Variants in NEDD4 observed in about 807,000 individuals in gnomAD.
NEDD4 encodes the protein E3 ubiquitin-protein ligase NEDD4.
A neutral mutation model predicts 144.9 loss-of-function variants in NEDD4; 99 were observed. The observed-to-expected ratio is 0.68, with a 90% confidence interval of 0.58 to 0.81. The LOEUF (loss-of-function observed/expected upper bound fraction) is 0.81, where lower values mean the gene tolerates loss of function less well. Ranked by LOEUF, NEDD4 falls within the 30% of genes least tolerant of loss-of-function variation. The pLI is 0.00. For synonymous variants in NEDD4, 318 were observed against 350.6 expected (o/e 0.91, Z 1.04); for missense variants, 985 against 1,065.9 (o/e 0.92, Z 1.06).
At chr15:55,932,865 T>C in intron 4 of NEDD4, among the ~76,000 whole-genome samples, 1 of 152,084 alleles carries the variant, frequency 6.6e-6, no homozygotes, top group East Asian at 1.9e-4. Context: ...GGGCAAAGGA[T>C]ATGCACAGAC....
At chr15:55,926,026 CG>C (rs1595850644) in intron 4 of NEDD4, among the ~76,000 whole-genome samples, 3 of 151,406 alleles carry the variant, frequency 2.0e-5, no homozygotes, top group South Asian at 4.2e-4. Flanking sequence ...AATACATATA[CG>C]TATGTATCAT....
Position 55,850,661 on chromosome 15 carries a change from G to T in NEDD4, c.1228C>A (p.Gln410Lys). 6.2e-7 allele frequency: 1 copy of T among 1,614,086 alleles called. No homozygotes were observed. The highest frequency in any genetic ancestry group is 8.5e-7 in the Non-Finnish European group (1 of 1,180,034). ...ATTTCAGATGGCTGGGTCACCTGCT[G>T]GCCTGAATCACTGGTGGAGGCTTGT... ...QSQASTSDSG[Q>K]QVTQPSEIEQ... Residue 410 changes from glutamine (Q) to lysine (K), a missense_variant, in exon 14 of 29, where the codon CAG (glutamine) becomes AAG (lysine). Physicochemically the swap from Gln to Lys is moderately conservative, Grantham distance 53. Coordinates refer to ENST00000435532, the MANE Select transcript of NEDD4 (RefSeq NM_006154.4).
At chr15:55,953,784 G>C (rs776941954) in intron 2 of NEDD4, among the ~76,000 whole-genome samples, 13 of 152,160 alleles carry the variant, frequency 8.5e-5, no homozygotes, top group South Asian at 2.1e-4. Context: ...GCAATGGCAC[G>C]ATCTCGGCTC....
chr15:55,900,674 A>C (rs1232179060), intron 5 of NEDD4, among the ~76,000 whole-genome samples: 1 of 152,192 alleles, frequency 6.6e-6, no homozygotes, highest in Non-Finnish European at 1.5e-5. Flanking sequence ...GACAAAATTG[A>C]GTTGCTTATA....
In NEDD4 at chr15:55,828,743, C is replaced by T. The variant is rs1400293625; in HGVS notation, c.*1154G>A. The T allele has an allele frequency of 6.6e-6, 1 of 152,550 alleles. No homozygotes were observed. The highest frequency in any genetic ancestry group is 2.4e-5 in the African/African-American group (1 of 41,404). The allele number at this position is 152,550 out of a possible 1,614,324, so 9.4% of individuals were successfully genotyped here. On this transcript the variant is annotated 3_prime_UTR_variant, in exon 29 of 29. Transcript: ENST00000435532. ...ACTGTAGCATTTTGCCTACAGAATT[C>T]TGGATTTGTAATTAAAAACATTGTC... is the stretch of plus-strand genomic sequence containing the variant.
chr15:55,833,622 T>C (rs113389780), intron 26 of NEDD4, among the ~76,000 whole-genome samples: 1 of 152,090 alleles, frequency 6.6e-6, no homozygotes, highest in Non-Finnish European at 1.5e-5. Flanking sequence ...GATGGCACCA[T>C]TGCACTCCAG....
chr15:55,861,518 T>C (rs1469312559), intron 9 of NEDD4, among the ~76,000 whole-genome samples: 10 of 152,130 alleles, frequency 6.6e-5, no homozygotes, highest in African/African-American at 2.4e-4. Context: ...AATTGTACAT[T>C]TAAAAACAAC....
In NEDD4 at chr15:55,869,656, G is replaced by T; in HGVS notation, c.430C>A (p.Leu144Met). ...GGTAAATAAGTCATTTTTAGTCTCA[G>T]ATAACCTTTAACTCTTGATTTGTGA... ...RSHKSRVKGY[L>M]RLKMTYLPKT... is the part of the protein sequence containing the mutation. Residue 144 changes from leucine (L) to methionine (M), a missense_variant, in exon 8 of 29, where the codon CTG (leucine) becomes ATG (methionine). Leu to Met is a conservative substitution (Grantham distance 15, BLOSUM62 2). Coordinates refer to ENST00000435532, the MANE Select transcript of NEDD4 (RefSeq NM_006154.4). 1 of 1,565,346 alleles carries T rather than the reference G, an allele frequency of 6.4e-7. No homozygotes were observed. The highest frequency in any genetic ancestry group is 8.7e-7 in the Non-Finnish European group (1 of 1,151,982).
chr15:55,924,701 T>C lies in NEDD4; in HGVS notation c.238-2A>G. 6.2e-7 allele frequency: 1 copy of C among 1,606,876 alleles called. No individual in the cohort carries two copies. Among genetic ancestry groups the C allele is most frequent in the Non-Finnish European group, 8.5e-7 (1 of 1,176,492 alleles). ...AAGCCGGTGCTGCTGAGGATGAACC[T>C]AAGAAAAACACAATCTTTATTTAAA... On this transcript the variant is annotated splice_acceptor_variant, in intron 4 of 28. Transcript: ENST00000435532. LOFTEE classifies it high-confidence loss of function.
intron 18 of NEDD4, among the ~76,000 whole-genome samples, chr15:55,843,862 A>G (rs1001744220): frequency 6.6e-6 from 1 of 151,840 alleles, no homozygotes; most frequent in Non-Finnish European, 1.5e-5. Flanking sequence ...GTATTGTAGT[A>G]GGGCCAACGA....
rs1330280805 is a variant in NEDD4 at position 55,966,510 on chromosome 15, C to T, written c.82G>A (p.Gly28Arg). 6.5e-6 allele frequency: 10 copies of T among 1,533,392 alleles called. No individual in the cohort carries two copies. The highest frequency in any genetic ancestry group is 8.8e-6 in the Non-Finnish European group (10 of 1,140,072). The allele number at this position is 1,533,392 out of a possible 1,614,324, so 95.0% of individuals were successfully genotyped here. ...SRIVRVRVIA[G>R]IGLAKKDILG... ...ATATCCTTCTTGGCAAGGCCTATTC[C>T]GGCTATAACTCTTACTCTCACAATT... Residue 28 changes from glycine (G) to arginine (R), a missense_variant, in exon 2 of 29, where the codon GGA becomes AGA. By Grantham distance (125) the Gly-to-Arg change is moderately radical. Coordinates refer to ENST00000435532, the MANE Select transcript of NEDD4 (RefSeq NM_006154.4).
chr15:55,892,197 G>T lies in NEDD4; in HGVS notation c.292-18189C>A, dbSNP rs965533690. On this transcript the variant is annotated intron_variant, in intron 5 of 28. Coordinates refer to ENST00000435532, the MANE Select transcript of NEDD4 (RefSeq NM_006154.4). Reference sequence around the variant, plus strand: ...ATGAGAATCACTTGAACCTGGAGGGGCAGAGGCTGCAGTGAGCTGAGATCG... The same window carrying T: ...ATGAGAATCACTTGAACCTGGAGGGTCAGAGGCTGCAGTGAGCTGAGATCG... Among the ~76,000 whole-genome samples the T allele has an allele frequency of 3.3e-5, 5 of 151,562 alleles. No homozygotes were observed. The South Asian group carries it at 8.3e-4, about 25-fold the overall frequency.
chr15:55,930,054 CAG>C (rs2036750006), intron 4 of NEDD4, among the ~76,000 whole-genome samples: 1 of 152,042 alleles, frequency 6.6e-6, no homozygotes, highest in Non-Finnish European at 1.5e-5. Context: ...ATTTTCTGAA[CAG>C]AGTCAGTGAA....
At position 55,916,734 on chromosome 15, in the gene NEDD4, A is replaced by T. The variant is rs753844653; in HGVS notation, c.291+7912T>A. ...AATCCGTGTTGGTCTTTTGAAGCAC[A>T]TGTGAACATGGCTATCCAAGTCATC... On this transcript the variant is annotated intron_variant, in intron 5 of 28. Coordinates refer to ENST00000435532, the MANE Select transcript of NEDD4 (RefSeq NM_006154.4). The T allele has an allele frequency of 1.9e-6, 3 of 1,614,074 alleles. No homozygotes were observed. In the East Asian group the frequency reaches 6.7e-5, roughly 36 times the overall value.
At chr15:55,985,760 T>TACACAC (rs3049246) in intron 1 of NEDD4, among the ~76,000 whole-genome samples, 1,953 of 148,426 alleles carry the variant, frequency 0.013, 24 homozygotes, top group African/African-American at 0.039. Flanking sequence ...AGAGTACACA[T>TACACAC]ACACACACAC....
chr15:55,832,803 C>A (rs2033017780), intron 27 of NEDD4, among the ~76,000 whole-genome samples: 1 of 152,096 alleles, frequency 6.6e-6, no homozygotes, highest in African/African-American at 2.4e-5. Flanking sequence ...TTGATGTTTC[C>A]AGTTTTCCCC....
At chr15:55,918,577 T>C (rs550919672) in intron 5 of NEDD4, among the ~76,000 whole-genome samples, 1 of 127,306 alleles carries the variant, frequency 7.9e-6, no homozygotes, top group African/African-American at 2.9e-5. Flanking sequence ...CATATACTCA[T>C]ACTTTGTTAA....
chr15:55,986,589 T>C (rs968208096), intron 1 of NEDD4, among the ~76,000 whole-genome samples: 7 of 139,550 alleles, frequency 5.0e-5, no homozygotes, highest in Admixed American at 1.4e-4. Flanking sequence ...GCTTTTTTTT[T>C]TTTTTTTTTT....
intron 12 of NEDD4, among the ~76,000 whole-genome samples, chr15:55,855,367 G>C (rs2034149170): frequency 6.6e-6 from 1 of 152,186 alleles, no homozygotes; most frequent in Admixed American, 6.5e-5. Context: ...AGAAGCGGGA[G>C]AGAATCAGGA....
Sources: allele counts gnomAD v4.1 joint callset (sites outside exome capture counted in the v4.1 genomes callset), GRCh38; gene constraint gnomAD v4.1.1; transcripts MANE v1.5; gene names NCBI Gene and HGNC (gene_info 2026-07-23, HGNC 2026-07-21).